Variants in NDUFA5 observed in about 807,000 individuals in gnomAD.
NDUFA5 encodes NADH:ubiquinone oxidoreductase subunit A5.
A neutral mutation model predicts 19.8 loss-of-function variants in NDUFA5; 11 were observed. That is an observed-to-expected ratio of 0.56 (90% CI 0.35 to 0.92). The LOEUF is 0.92. Among genes scored for constraint, NDUFA5 ranks in the 40% least tolerant of loss-of-function variants. The pLI, the probability that NDUFA5 is intolerant of heterozygous loss-of-function variation, is 0.01. For missense variants in NDUFA5, 109 were observed against 134.2 expected (o/e 0.81, Z 0.93); for synonymous variants, 47 against 46.8 (o/e 1.00, Z -0.01).
At chr7:123,548,317 A>G (rs1314550735) in intron 3 of NDUFA5, among the ~76,000 whole-genome samples, 1 of 152,184 alleles carries the variant, frequency 6.6e-6, no homozygotes, top group Admixed American at 6.5e-5. Flanking sequence ...CTTATGTTCC[A>G]GGTACCATGC....
At chr7:123,556,704 G>C (rs772915591) in intron 2 of NDUFA5, 8 of 393,188 alleles carry the variant, frequency 2.0e-5, no homozygotes, top group Non-Finnish European at 2.4e-5. Context: ...AACTTGAAAA[G>C]AGCGTGATGG....
the NDUFA5 span, among the ~76,000 whole-genome samples, chr7:123,588,896 G>A: frequency 1.3e-5 from 2 of 149,492 alleles, no homozygotes; most frequent in Admixed American, 6.7e-5. Flanking sequence ...TTCTATTATT[G>A]GTTTCTTGTT....
chr7:123,546,987 G>A (rs994323544), intron 3 of NDUFA5, among the ~76,000 whole-genome samples: 1 of 152,130 alleles, frequency 6.6e-6, no homozygotes, highest in Non-Finnish European at 1.5e-5. Context: ...CCTTATAAGA[G>A]AGAGGCAGAG....
At chr7:123,549,214 T>C (rs1328686938) in intron 3 of NDUFA5, among the ~76,000 whole-genome samples, 2 of 152,122 alleles carry the variant, frequency 1.3e-5, no homozygotes, top group Non-Finnish European at 2.9e-5. Flanking sequence ...AATCAGTCTA[T>C]TATTGGCTGT....
chr7:123,580,382 T>C, the NDUFA5 span, among the ~76,000 whole-genome samples: 3 of 152,028 alleles, frequency 2.0e-5, no homozygotes, highest in Non-Finnish European at 4.4e-5. Context: ...GTCATCACAA[T>C]CAAACTTGCT....
the NDUFA5 span, among the ~76,000 whole-genome samples, chr7:123,574,945 TA>T: frequency 0.22 from 33,662 of 151,890 alleles, 4,225 homozygotes; most frequent in East Asian, 0.27. Context: ...TTAAGACACA[TA>T]GGGGAGAAAA....
Position 123,556,951 on chromosome 7 carries a change from T to C in NDUFA5, c.66+453A>G, listed in dbSNP as rs768787878. 3 of 461,254 alleles carry C rather than the reference T, an allele frequency of 6.5e-6. No individual in the cohort carries two copies. In the East Asian group the frequency reaches 1.8e-4, roughly 28 times the overall value. 28.6% of individuals were successfully genotyped at this position (461,254 alleles called of 1,614,324 possible). ...GTGATTATAGAAGGGACAAGAAGAA[T>C]AAAAAAATTTTGTGGGTTTTTTTGA... On this transcript the variant is annotated intron_variant, in intron 2 of 4. Coordinates refer to ENST00000355749, the MANE Select transcript of NDUFA5 (RefSeq NM_005000.5).
chr7:123,540,787 T>C lies in NDUFA5; in HGVS notation c.*1332A>G, dbSNP rs950172683. Reference sequence around the variant, plus strand: ...CTCTAAGAATCCACCTTATTTAATATTTATTTAGTATTCATGTTACAGCTC... The same window carrying C: ...CTCTAAGAATCCACCTTATTTAATACTTATTTAGTATTCATGTTACAGCTC... On this transcript the variant is annotated 3_prime_UTR_variant, in exon 5 of 5. Coordinates refer to ENST00000355749, the MANE Select transcript of NDUFA5 (RefSeq NM_005000.5). 6.6e-6 allele frequency: 1 copy of C among 152,024 alleles called. No individual in the cohort carries two copies. The highest frequency in any genetic ancestry group is 2.1e-4 in the South Asian group (1 of 4,824). 9.4% of individuals were successfully genotyped at this position (152,024 alleles called of 1,614,324 possible). A position where few individuals can be genotyped will look rare whatever the true frequency, so the allele number is the denominator to read the frequency against.
In NDUFA5 at chr7:123,541,439, T is replaced by C. The variant is rs1325056738; in HGVS notation, c.*680A>G. 3.3e-5 allele frequency: 5 copies of C among 152,214 alleles called. No homozygotes were observed. The highest frequency in any genetic ancestry group is 4.8e-5 in the African/African-American group (2 of 41,460). The allele number at this position is 152,214 out of a possible 1,614,324, so 9.4% of individuals were successfully genotyped here. A position where few individuals can be genotyped will look rare whatever the true frequency, so the allele number is the denominator to read the frequency against. On this transcript the variant is annotated 3_prime_UTR_variant, in exon 5 of 5. Coordinates refer to ENST00000355749, the MANE Select transcript of NDUFA5 (RefSeq NM_005000.5). ...CAATTTCTTTAACTGTACAATGTAT[T>C]CTAATTTGAAGGTTTTCAAATATAA...
chr7:123,542,954 G>A (rs1584685792), intron 4 of NDUFA5, among the ~76,000 whole-genome samples: 1 of 152,048 alleles, frequency 6.6e-6, no homozygotes, highest in South Asian at 2.1e-4. Flanking sequence ...CAACTTATAA[G>A]ATGAATACTA....
At chr7:123,597,952 G>GTGTGTGTGTT in the NDUFA5 span, among the ~76,000 whole-genome samples, 3 of 151,690 alleles carry the variant, frequency 2.0e-5, no homozygotes, top group African/African-American at 7.3e-5. Flanking sequence ...GTGTGTGTGT[G>GTGTGTGTGTT]TGTGTGTGTC....
At chr7:123,547,324 T>G (rs548894486) in intron 3 of NDUFA5, among the ~76,000 whole-genome samples, 2 of 152,294 alleles carry the variant, frequency 1.3e-5, no homozygotes, top group Admixed American at 1.3e-4. Context: ...GGCACACATT[T>G]TCCTTGTTTT....
the NDUFA5 span, among the ~76,000 whole-genome samples, chr7:123,567,345 T>C: frequency 1.3e-5 from 2 of 152,128 alleles, no homozygotes; most frequent in African/African-American, 4.8e-5. Flanking sequence ...GAGATGAATG[T>C]TGGGAAGTTC....
the NDUFA5 span, among the ~76,000 whole-genome samples, chr7:123,592,660 C>T: frequency 7.9e-5 from 12 of 152,004 alleles, no homozygotes; most frequent in African/African-American, 2.4e-4. Context: ...CCGTTTGTTG[C>T]GATTTCTGTT....
chr7:123,575,150 G>A, the NDUFA5 span, among the ~76,000 whole-genome samples: 1 of 151,094 alleles, frequency 6.6e-6, no homozygotes, highest in African/African-American at 2.4e-5. Context: ...ATTTAAGAAG[G>A]TTTGTATTTT....
the NDUFA5 span, among the ~76,000 whole-genome samples, chr7:123,595,251 T>C: frequency 6.6e-6 from 1 of 152,300 alleles, no homozygotes; most frequent in East Asian, 1.9e-4. Flanking sequence ...AAACCCAAGC[T>C]TTTATCCATG....
intron 3 of NDUFA5, chr7:123,550,129 G>T: frequency 5.6e-6 from 1 of 179,034 alleles, no homozygotes; most frequent in South Asian, 1.2e-4. Flanking sequence ...TGCTTTTATT[G>T]TTCTCTAAGA....
intron 4 of NDUFA5, among the ~76,000 whole-genome samples, chr7:123,544,272 G>A (rs1366535242): frequency 6.6e-6 from 1 of 152,108 alleles, no homozygotes; most frequent in Admixed American, 6.5e-5. Context: ...GCCGAGGCAG[G>A]CAGATCACCT....
Position 123,539,451 on chromosome 7 carries a change from T to A in NDUFA5, c.*2668A>T, listed in dbSNP as rs746246802. 2 of 152,236 alleles carry A rather than the reference T, an allele frequency of 1.3e-5. No homozygotes were observed. Among genetic ancestry groups the A allele is most frequent in the Admixed American group, 6.5e-5 (1 of 15,292 alleles). 9.4% of individuals were successfully genotyped at this position (152,236 alleles called of 1,614,324 possible). A position where few individuals can be genotyped will look rare whatever the true frequency, so the allele number is the denominator to read the frequency against. On this transcript the variant is annotated 3_prime_UTR_variant, in exon 5 of 5. Coordinates refer to ENST00000355749, the MANE Select transcript of NDUFA5 (RefSeq NM_005000.5). ...TTCTTCTTTCTTAGCAAAGCTCAAA[T>A]TGATTAGCTTCTCTTTCTTTTGAAG...
Sources: gnomAD v4.1 joint callset for allele counts (sites outside exome capture counted in the v4.1 genomes callset) on GRCh38, gnomAD v4.1.1 for gene constraint, MANE v1.5 for transcripts, NCBI Gene and HGNC (gene_info 2026-07-23, HGNC 2026-07-21) for gene names.